Variants in PCSK5 observed in about 807,000 individuals in gnomAD.
PCSK5 encodes prohormone convertase 5.
In PCSK5, 129 loss-of-function variants were observed where a neutral mutation model predicts 233.2. The observed-to-expected ratio is 0.55, with a 90% CI of 0.48 to 0.64. The LOEUF (loss-of-function observed/expected upper bound fraction) is 0.64, where lower values mean the gene tolerates loss of function less well. Among genes scored for constraint, PCSK5 ranks in the 30% least tolerant of loss-of-function variants. The pLI is 0.00. For synonymous variants in PCSK5, 825 were observed against 879.2 expected (o/e 0.94, Z 1.09); for missense variants, 2,076 against 2,430.1 (o/e 0.85, Z 3.06).
intron 7 of PCSK5, among the ~76,000 whole-genome samples, chr9:76,089,431 C>T (rs1020293140): frequency 1.6e-4 from 24 of 152,154 alleles, no homozygotes; most frequent in African/African-American, 5.8e-4. Flanking sequence ...GTCTCTACCA[C>T]GTCCTAGTTA....
intron 24 of PCSK5, among the ~76,000 whole-genome samples, chr9:76,271,173 A>G (rs1260817802): frequency 6.6e-6 from 1 of 152,112 alleles, no homozygotes; most frequent in Admixed American, 6.6e-5. Context: ...CACCTCTCCC[A>G]CAATTCAGAA....
chr9:76,089,461 C>G (rs1831198424), intron 7 of PCSK5, among the ~76,000 whole-genome samples: 1 of 152,176 alleles, frequency 6.6e-6, no homozygotes, highest in Admixed American at 6.5e-5. Context: ...GGGCCTATTA[C>G]TTAATGTTAT....
chr9:76,107,280 G>A lies in PCSK5; in HGVS notation c.1137G>A (p.Thr379=), dbSNP rs41310061. ...IITTDLRQRC[T]DNHTGTSASA... ...CTACAGATCTGAGGCAGCGTTGCAC[G>A]GACAACCACACTGGGACGTCAGCCT... The change falls in exon 9 of 38, where the codon ACG becomes ACA. Residue 379 remains threonine (T), a synonymous_variant. Transcript: ENST00000674117. 5,143 of 1,613,582 alleles carry A rather than the reference G, an allele frequency of 3.2e-3. 10 individuals are homozygous for A. Among genetic ancestry groups the A allele is most frequent in the Non-Finnish European group, 3.8e-3 (4,469 of 1,179,710 alleles).
At chr9:76,009,224 T>C (rs527643419) in intron 3 of PCSK5, among the ~76,000 whole-genome samples, 1 of 152,202 alleles carries the variant, frequency 6.6e-6, no homozygotes, top group Admixed American at 6.5e-5. Flanking sequence ...TATTTCCTAA[T>C]GAAATGTGAG....
intron 20 of PCSK5, among the ~76,000 whole-genome samples, chr9:76,222,250 A>T (rs1218545518): frequency 6.6e-6 from 1 of 152,212 alleles, no homozygotes; most frequent in Non-Finnish European, 1.5e-5. Flanking sequence ...ATCCCCAAAG[A>T]CAGGCAATAC....
intron 3 of PCSK5, among the ~76,000 whole-genome samples, chr9:76,007,796 T>TTTTTTG (rs377671504): frequency 3.1e-5 from 4 of 128,224 alleles, no homozygotes; most frequent in Admixed American, 7.9e-5. Flanking sequence ...CCGGCTAATT[T>TTTTTTG]TGTGTGTGTG....
chr9:76,089,601 C>G (rs1246398481), intron 7 of PCSK5, among the ~76,000 whole-genome samples: 1 of 152,192 alleles, frequency 6.6e-6, no homozygotes, highest in Non-Finnish European at 1.5e-5. Context: ...TTAATATATG[C>G]TACTATCTCT....
At chr9:76,308,398 G>A (rs1027377315) in intron 28 of PCSK5, among the ~76,000 whole-genome samples, 6 of 152,150 alleles carry the variant, frequency 3.9e-5, no homozygotes, top group Non-Finnish European at 7.3e-5. Context: ...CATTCCTTGT[G>A]GTACCACACA....
intron 24 of PCSK5, chr9:76,286,896 CT>C: frequency 4.3e-6 from 1 of 231,816 alleles, no homozygotes; most frequent in Non-Finnish European, 8.3e-6. Flanking sequence ...TGGTGATTAA[CT>C]TATTAAAGGA....
At chr9:76,002,572 T>G (rs1178240076) in intron 3 of PCSK5, among the ~76,000 whole-genome samples, 1 of 152,234 alleles carries the variant, frequency 6.6e-6, no homozygotes, top group African/African-American at 2.4e-5. Flanking sequence ...CTGTGTGAAT[T>G]GACAGAAGAG....
chr9:76,096,188 TATACACACAC>T (rs1831503344), intron 8 of PCSK5, 86 bp downstream of exon 8: 2 of 658,380 alleles, frequency 3.0e-6, no homozygotes, highest in African/African-American at 1.9e-5. Context: ...CATATATATA[TATACACACAC>T]ACACACACAC....
At chr9:76,039,153 T>C (rs1426805022) in intron 5 of PCSK5, among the ~76,000 whole-genome samples, 4 of 152,220 alleles carry the variant, frequency 2.6e-5, no homozygotes, top group Admixed American at 6.5e-5. Flanking sequence ...TTTACATCAG[T>C]TCATTCCACT....
intron 5 of PCSK5, among the ~76,000 whole-genome samples, chr9:76,065,221 A>G (rs967820297): frequency 6.6e-6 from 1 of 152,164 alleles, no homozygotes; most frequent in African/African-American, 2.4e-5. Flanking sequence ...GACCCGCCAT[A>G]CTGTTTTCTG....
chr9:76,218,276 G>A (rs940978273), intron 20 of PCSK5, among the ~76,000 whole-genome samples: 4 of 151,996 alleles, frequency 2.6e-5, no homozygotes, highest in Non-Finnish European at 4.4e-5. Flanking sequence ...GTCTCCAGGC[G>A]ATGCTAATAA....
At chr9:76,224,581 C>T (rs556792395) in intron 20 of PCSK5, among the ~76,000 whole-genome samples, 3 of 152,146 alleles carry the variant, frequency 2.0e-5, no homozygotes, top group Non-Finnish European at 4.4e-5. Flanking sequence ...GGGATAATCG[C>T]ACAGTGACAG....
In PCSK5 at chr9:75,943,251, G is replaced by A. The variant is rs138968662; in HGVS notation, c.297+10768G>A. Among the ~76,000 whole-genome samples the A allele has an allele frequency of 4.3e-3, 655 of 152,200 alleles. 4 individuals carry two copies. The highest frequency in any genetic ancestry group is 0.014 in the African/African-American group (585 of 41,512). ...GTTGAAACTAGAAAATGTAATGATA[G>A]CATTCTAAATTTCTAGATAGGTATT... On this transcript the variant is annotated intron_variant, in intron 2 of 37. Coordinates refer to ENST00000674117, the MANE Select transcript of PCSK5 (RefSeq NM_001372043.1).
chr9:76,336,408 A>G (rs1829680469), intron 34 of PCSK5, among the ~76,000 whole-genome samples: 1 of 152,248 alleles, frequency 6.6e-6, no homozygotes, highest in African/African-American at 2.4e-5. Flanking sequence ...GCTGATGTCT[A>G]GAAATACAGA....
intron 2 of PCSK5, among the ~76,000 whole-genome samples, chr9:75,954,024 G>T (rs1254790756): frequency 1.3e-5 from 2 of 152,134 alleles, no homozygotes; most frequent in Non-Finnish European, 2.9e-5. Flanking sequence ...ACACTGGAAG[G>T]TGTTAAGCTG....
At chr9:76,318,764 C>T (rs1173324577) in intron 30 of PCSK5, among the ~76,000 whole-genome samples, 1 of 152,068 alleles carries the variant, frequency 6.6e-6, no homozygotes. Context: ...TCCAGTGGTT[C>T]CAATCTTACA....
Sources: allele counts gnomAD v4.1 joint callset (sites outside exome capture counted in the v4.1 genomes callset), GRCh38; gene constraint gnomAD v4.1.1; transcripts MANE v1.5; gene names NCBI Gene and HGNC (gene_info 2026-07-23, HGNC 2026-07-21).